The following ADAM9 variants were observed in gnomAD, a reference collection of about 807,000 sequenced individuals.
The protein encoded by ADAM9 is disintegrin and metalloproteinase domain-containing protein 9.
ADAM9 carries 54 observed loss-of-function variants against 108.1 expected under a neutral mutation model. The ratio of observed to expected loss-of-function variants is 0.50; its 90% CI spans 0.40 to 0.63. The LOEUF is 0.63. Among genes scored for constraint, ADAM9 ranks in the 20% least tolerant of loss-of-function variants. The probability of loss-of-function intolerance (pLI) is 0.00; values close to 1 mark genes in which losing one functional copy is unlikely to be tolerated. For synonymous variants in ADAM9, 316 were observed against 336.0 expected (o/e 0.94, Z 0.65); for missense variants, 830 against 997.7 (o/e 0.83, Z 2.26).
chr8:39,093,158 A>C lies in ADAM9; in HGVS notation c.2298+1812A>C, dbSNP rs1468267582. On this transcript the variant is annotated intron_variant, in intron 20 of 21. Transcript: ENST00000487273. Reference sequence around the variant, plus strand: ...CAAAAATTGTCATTGGAATATTAATAGATATTGCATTGAATCTGTAGTTTG... The same window carrying C: ...CAAAAATTGTCATTGGAATATTAATCGATATTGCATTGAATCTGTAGTTTG... Among the ~76,000 whole-genome samples the C allele has an allele frequency of 2.0e-5, 3 of 152,314 alleles. No homozygotes were observed. The East Asian group carries it at 5.8e-4, about 29-fold the overall frequency.
In ADAM9 at chr8:39,011,702, C is replaced by T. The variant is rs1306752637; in HGVS notation, c.240C>T (p.His80=). Residue 80 remains histidine, a synonymous_variant, in exon 3 of 22, where the codon CAC becomes CAT. Coordinates refer to ENST00000487273, the MANE Select transcript of ADAM9 (RefSeq NM_003816.3). ...IQAEGKEHII[H]LERNKDLLPE... ...CTGAAGGAAAAGAGCATATTATTCA[C>T]TTGGAAAGGAACAAGTAAGACATTT... 2 of 1,610,790 alleles carry T rather than the reference C, an allele frequency of 1.2e-6. No homozygotes were observed. Among genetic ancestry groups the T allele is most frequent in the East Asian group, 2.2e-5 (1 of 44,826 alleles).
intron 14 of ADAM9, 32 bp from the exon 15 acceptor site, chr8:39,071,266 T>A (rs764217732): frequency 3.9e-5 from 62 of 1,602,870 alleles, no homozygotes; most frequent in Non-Finnish European, 4.8e-5. Context: ...CCATAACTTT[T>A]TTTTTCTTTT....
intron 3 of ADAM9, 65 bp from the exon 4 acceptor site, chr8:39,013,900 A>G (rs1254012212): frequency 1.4e-5 from 17 of 1,257,640 alleles, no homozygotes; most frequent in Non-Finnish European, 2.0e-5. Flanking sequence ...ATAATGCCTT[A>G]TGAATCGTGT....
At chr8:39,022,920 C>CTG (rs1347454391) in intron 8 of ADAM9, among the ~76,000 whole-genome samples, 6 of 152,174 alleles carry the variant, frequency 3.9e-5, no homozygotes, top group Admixed American at 2.0e-4. Context: ...ACCATATTGG[C>CTG]CAGGTTGGTC....
chr8:39,018,764 A>G (rs1836632675), intron 6 of ADAM9, 89 bp from the exon 7 acceptor site: 5 of 1,116,394 alleles, frequency 4.5e-6, no homozygotes, highest in Non-Finnish European at 6.9e-6. Flanking sequence ...TGATGTTCTT[A>G]GCAGACATGA....
chr8:39,020,762 C>T (rs1836711194), intron 7 of ADAM9, among the ~76,000 whole-genome samples: 1 of 152,050 alleles, frequency 6.6e-6, no homozygotes, highest in Admixed American at 6.5e-5. Context: ...TTCTGTATGT[C>T]ACTTCGTTTT....
At chr8:39,086,172 G>A (rs1465367778) in intron 18 of ADAM9, among the ~76,000 whole-genome samples, 5 of 151,884 alleles carry the variant, frequency 3.3e-5, no homozygotes, top group South Asian at 2.1e-4. Flanking sequence ...GTGCCACCAC[G>A]CCTGGCTAAC....
chr8:39,037,050 C>CTTTTTTTTTTTTTTTTTTT (rs58876607), intron 11 of ADAM9, among the ~76,000 whole-genome samples: 1 of 78,608 alleles, frequency 1.3e-5, no homozygotes, highest in African/African-American at 5.4e-5. Context: ...TGCGCAAGTT[C>CTTTTTTTTTTTTTTTTTTT]TTTTTTTTTT....
At chr8:39,018,581 G>T (rs927947539) in intron 6 of ADAM9, 2 of 449,226 alleles carry the variant, frequency 4.5e-6, no homozygotes, top group African/African-American at 3.9e-5. Flanking sequence ...TCATATTAGT[G>T]CAGATAGCAG....
intron 18 of ADAM9, among the ~76,000 whole-genome samples, chr8:39,083,841 T>C (rs1839097061): frequency 6.6e-6 from 1 of 152,226 alleles, no homozygotes; most frequent in African/African-American, 2.4e-5. Flanking sequence ...CTTGGGTAAC[T>C]ACCAGCTAGA....
At chr8:39,046,237 T>C (rs959156203) in intron 12 of ADAM9, among the ~76,000 whole-genome samples, 3 of 152,220 alleles carry the variant, frequency 2.0e-5, no homozygotes, top group Admixed American at 1.3e-4. Flanking sequence ...CTATTGTAAA[T>C]AGCTTTGTTT....
rs113355215 is a variant in ADAM9 at position 39,019,859 on chromosome 8, A to G, written c.672+941A>G. On this transcript the variant is annotated intron_variant, in intron 7 of 21. Coordinates refer to ENST00000487273, the MANE Select transcript of ADAM9 (RefSeq NM_003816.3). ...AGAGATAGACTTGGATTTGTACATTATAGGTTCATTGCCCTCAAGTGGCAG... is the reference window on the plus strand; with the variant it reads ...AGAGATAGACTTGGATTTGTACATTGTAGGTTCATTGCCCTCAAGTGGCAG... 4.5e-3 allele frequency among the ~76,000 whole-genome samples: 689 copies of G among 152,360 alleles called. 7 individuals are homozygous for G. The highest frequency in any genetic ancestry group is 0.016 in the African/African-American group (659 of 41,568).
At chr8:39,054,192 G>A (rs1838041977) in intron 12 of ADAM9, among the ~76,000 whole-genome samples, 1 of 152,148 alleles carries the variant, frequency 6.6e-6, no homozygotes, top group East Asian at 1.9e-4. Context: ...CAAGAACTGT[G>A]AGAAAATAAA....
At chr8:39,029,003 G>T (rs530125562) in intron 11 of ADAM9, among the ~76,000 whole-genome samples, 7 of 152,028 alleles carry the variant, frequency 4.6e-5, no homozygotes, top group Non-Finnish European at 1.0e-4. Context: ...ATATTTTGAG[G>T]AGAATGGTAT....
Position 39,071,194 on chromosome 8 carries a change from A to G in ADAM9, c.1592-104A>G, listed in dbSNP as rs996932019. ...TTTTCCACGGTGTTGAGGGGTATTGAGGCTGTTCATCCAGGTGTTTAGACT... is the reference window on the plus strand; with the variant it reads ...TTTTCCACGGTGTTGAGGGGTATTGGGGCTGTTCATCCAGGTGTTTAGACT... On this transcript the variant is annotated intron_variant, in intron 14 of 21. Transcript: ENST00000487273. The G allele has an allele frequency of 3.9e-6, 4 of 1,014,050 alleles. No individual in the cohort carries two copies. In the Admixed American group the frequency reaches 8.2e-5, roughly 21 times the overall value. The allele number at this position is 1,014,050 out of a possible 1,614,324, so 62.8% of individuals were successfully genotyped here.
intron 11 of ADAM9, among the ~76,000 whole-genome samples, chr8:39,028,817 G>C (rs1302084523): frequency 6.6e-6 from 1 of 152,112 alleles, no homozygotes; most frequent in African/African-American, 2.4e-5. Context: ...TAAGTGCTAT[G>C]GGAAATAAAA....
chr8:39,080,733 G>A (rs979251263), intron 16 of ADAM9, among the ~76,000 whole-genome samples: 2 of 152,098 alleles, frequency 1.3e-5, no homozygotes, highest in Non-Finnish European at 2.9e-5. Context: ...ACGTGGGGTA[G>A]GGGGAAAAGT....
In ADAM9 at chr8:39,055,636, C is replaced by T; in HGVS notation, c.1455C>T (p.Tyr485=). Residue 485 remains tyrosine, a synonymous_variant, in exon 14 of 22, where the codon TAC becomes TAT. Transcript: ENST00000487273. ...GKTSECDVPE[Y]CNGSSQFCQP... is the part of the protein sequence containing the mutation. ...CCAGTGAGTGTGATGTTCCAGAGTA[C>T]TGCAATGGTTCTTCTCAGTTCTGTC... 1 of 1,613,806 alleles carries T rather than the reference C, an allele frequency of 6.2e-7. No individual in the cohort carries two copies. The highest frequency in any genetic ancestry group is 8.5e-7 in the Non-Finnish European group (1 of 1,179,776).
chr8:39,044,241 T>C (rs1319287164), intron 12 of ADAM9, among the ~76,000 whole-genome samples: 1 of 152,226 alleles, frequency 6.6e-6, no homozygotes, highest in Non-Finnish European at 1.5e-5. Context: ...TTTAAGTCTT[T>C]AATCCATTTT....
Sources: gnomAD v4.1 joint callset for allele counts (sites outside exome capture counted in the v4.1 genomes callset) on GRCh38, gnomAD v4.1.1 for gene constraint, MANE v1.5 for transcripts, NCBI Gene and HGNC (gene_info 2026-07-23, HGNC 2026-07-21) for gene names.